The following MYL2 variants were observed in gnomAD, a reference collection of about 807,000 sequenced individuals.
MYL2 encodes the protein myosin light chain 2.
Under a neutral mutation model 23.0 loss-of-function variants are expected in MYL2, and 19 were observed. The observed-to-expected ratio is 0.83, with a 90% CI of 0.58 to 1.21. The LOEUF (loss-of-function observed/expected upper bound fraction) is 1.21. MYL2 is among the 50% of genes most tolerant of loss of function. The pLI, the probability that MYL2 is intolerant of heterozygous loss-of-function variation, is 0.00. For synonymous variants in MYL2, 78 were observed against 76.2 expected, an observed-to-expected ratio of 1.02 and a Z score of -0.13; for missense variants, 180 against 215.1, an observed-to-expected ratio of 0.84 and a Z score of 1.02.
chr12:110,915,174 A>G (rs1264527518), intron 3 of MYL2, among the ~76,000 whole-genome samples: 2 of 152,216 alleles, frequency 1.3e-5, no homozygotes, highest in Non-Finnish European at 2.9e-5. Context: ...ACAGCTGTGT[A>G]TGGTTGCCCT....
rs532883929 is a variant in MYL2, at chr12:110,913,354, T to C, written c.275-30A>G. 21 of 1,613,228 alleles carry C rather than the reference T, an allele frequency of 1.3e-5. No homozygotes were observed. The East Asian group carries it at 4.7e-4, about 36-fold the overall frequency. On this transcript the variant is annotated intron_variant, in intron 4 of 6. Coordinates refer to ENST00000228841, the MANE Select transcript of MYL2 (RefSeq NM_000432.4). Reference sequence around the variant, plus strand: ...AACGGAACACAGGGCTTACATGTACTGGGGGTGGCTGGGAACCACTGGCAC... The same window carrying C: ...AACGGAACACAGGGCTTACATGTACCGGGGGTGGCTGGGAACCACTGGCAC...
chr12:110,917,271 A>G (rs2071693133), intron 2 of MYL2, among the ~76,000 whole-genome samples: 2 of 152,076 alleles, frequency 1.3e-5, no homozygotes, highest in Non-Finnish European at 2.9e-5. Context: ...GAGAGGCCAG[A>G]TGAGACACCA....
At position 110,910,956 on chromosome 12, in the gene MYL2, T is replaced by TAA; in HGVS notation, c.*119_*120dup. ...AGGCTGCAAAGAAGATGGAGGTGGATAAATGGGGCAGCCACATGGCTAACA... is the reference window on the plus strand; with the variant it reads ...AGGCTGCAAAGAAGATGGAGGTGGATAAAAATGGGGCAGCCACATGGCTAACA... On this transcript the variant is annotated 3_prime_UTR_variant, in exon 7 of 7. Transcript: ENST00000228841. 1.1e-6 allele frequency: 1 copy of TAA among 929,036 alleles called. No individual in the cohort carries two copies. Among genetic ancestry groups the TAA allele is most frequent in the Admixed American group, 1.8e-5 (1 of 55,748 alleles). 57.5% of individuals were successfully genotyped at this position (929,036 alleles called of 1,614,324 possible).
At chr12:110,913,037 C>T (rs549226413) in intron 6 of MYL2, 59 bp downstream of exon 6, 4 of 1,583,530 alleles carry the variant, frequency 2.5e-6, no homozygotes, top group Admixed American at 1.7e-5. Flanking sequence ...GGAGACGGAG[C>T]CCCCCAGAAG....
chr12:110,911,147 G>C lies in MYL2; in HGVS notation c.431C>G (p.Pro144Arg), dbSNP rs755993281. ...EVDQMFAAFPPDVTGNLDYKN... is the reference protein window; with the variant it reads ...EVDQMFAAFPRDVTGNLDYKN... ...GTAGTCCAAGTTGCCAGTCACGTCAGGGGGGAAGGCGGCGAACATCTGGTC... is the reference window on the plus strand; with the variant it reads ...GTAGTCCAAGTTGCCAGTCACGTCACGGGGGAAGGCGGCGAACATCTGGTC... The change falls in exon 7 of 7, where the codon CCT becomes CGT. Residue 144 changes from proline to arginine, a missense_variant. Transcript: ENST00000228841. 4.3e-6 allele frequency: 7 copies of C among 1,613,646 alleles called. No homozygotes were observed. The highest frequency in any genetic ancestry group is 1.1e-5 in the South Asian group (1 of 91,068).
rs1341372114 is a variant in MYL2 at position 110,913,160 on chromosome 12, A to G, written c.354-16T>C. On this transcript the variant is annotated splice_polypyrimidine_tract_variant and intron_variant, in intron 5 of 6. Transcript: ENST00000228841. ...TTCCCGAACGCTGCAGAGAAAGGAA[A>G]GCAGGTGTTGGTGTCAGTTGTGTGT... The G allele has an allele frequency of 6.2e-7, 1 of 1,614,104 alleles. No homozygotes were observed. The highest frequency in any genetic ancestry group is 1.7e-5 in the Admixed American group (1 of 60,010).
At chr12:110,911,593 T>C (rs944480762) in intron 6 of MYL2, among the ~76,000 whole-genome samples, 13 of 152,296 alleles carry the variant, frequency 8.5e-5, no homozygotes, top group African/African-American at 2.6e-4. Context: ...CTGTTCTTCC[T>C]TCCCTGACCC....
At chr12:110,915,543 A>G (rs1403474564) in intron 3 of MYL2, among the ~76,000 whole-genome samples, 172 bp downstream of exon 3, 3 of 152,234 alleles carry the variant, frequency 2.0e-5, no homozygotes, top group Non-Finnish European at 4.4e-5. Context: ...AAGGTACTCA[A>G]AGACTAAACA....
chr12:110,917,136 G>A (rs184418578), intron 2 of MYL2, among the ~76,000 whole-genome samples: 32 of 152,022 alleles, frequency 2.1e-4, no homozygotes, highest in African/African-American at 6.7e-4. Flanking sequence ...GTGAGCCACT[G>A]TGCCTGGCCC....
At chr12:110,920,716 G>T, upstream of MYL2, 1 of 815,302 alleles carries the variant, frequency 1.2e-6, no homozygotes, top group Non-Finnish European at 2.0e-6. Flanking sequence ...TGAAGTAAGG[G>T]TGGCTCACTC....
chr12:110,920,374 C>T (rs2071714006), intron 1 of MYL2, among the ~76,000 whole-genome samples, 153 bp downstream of exon 1: 2 of 152,020 alleles, frequency 1.3e-5, no homozygotes, highest in African/African-American at 2.4e-5. Context: ...GATTGGGGTT[C>T]CTCTGTGCCC....
intron 2 of MYL2, among the ~76,000 whole-genome samples, chr12:110,917,048 G>A (rs978008544): frequency 1.1e-4 from 17 of 151,758 alleles, no homozygotes; most frequent in African/African-American, 3.4e-4. Context: ...GTTTCACCAC[G>A]TTGGCCAGGC....
Position 110,910,942 on chromosome 12 carries a change from A to T in MYL2, c.*135T>A. On this transcript the variant is annotated 3_prime_UTR_variant, in exon 7 of 7. Transcript: ENST00000228841. ...ACCCATAGCCACCCAGGCTGCAAAGAAGATGGAGGTGGATAAATGGGGCAG... is the reference window on the plus strand; with the variant it reads ...ACCCATAGCCACCCAGGCTGCAAAGTAGATGGAGGTGGATAAATGGGGCAG... 1 of 828,920 alleles carries T rather than the reference A, an allele frequency of 1.2e-6. No individual in the cohort carries two copies. Among genetic ancestry groups the T allele is most frequent in the Non-Finnish European group, 2.1e-6 (1 of 485,640 alleles). 51.3% of individuals were successfully genotyped at this position (828,920 alleles called of 1,614,324 possible).
rs2071667979 is a variant in MYL2 at position 110,913,421 on chromosome 12, C to T, written c.275-97G>A. ...CAAGTTCCCCCAGAGATGAAGGGGC[C>T]AGAGCAAGGCTGCTTTGCATGGAGG... is the stretch of plus-strand genomic sequence containing the variant. On this transcript the variant is annotated intron_variant, in intron 4 of 6. Coordinates refer to ENST00000228841, the MANE Select transcript of MYL2 (RefSeq NM_000432.4). 15 of 1,228,702 alleles carry T rather than the reference C, an allele frequency of 1.2e-5. No individual in the cohort carries two copies. The South Asian group carries it at 1.5e-4, about 12-fold the overall frequency. The allele number at this position is 1,228,702 out of a possible 1,614,324, so 76.1% of individuals were successfully genotyped here. A position where few individuals can be genotyped will look rare whatever the true frequency, so the allele number is the denominator to read the frequency against.
At chr12:110,912,779 G>T (rs561871691) in intron 6 of MYL2, among the ~76,000 whole-genome samples, 1 of 152,284 alleles carries the variant, frequency 6.6e-6, no homozygotes, top group East Asian at 1.9e-4. Context: ...TGGCTAGGCT[G>T]GTCTCAAACT....
rs113310928 is a variant in MYL2, at chr12:110,914,065, T to C, written c.274+121A>G. On this transcript the variant is annotated intron_variant, in intron 4 of 6. Transcript: ENST00000228841. ...CAGCCACTGCGCCCAGCCAAGTTGC[T>C]GTTTTCATTATTTTTTTCCAATGGT... is the stretch of plus-strand genomic sequence containing the variant. 200 of 821,456 alleles carry C rather than the reference T, an allele frequency of 2.4e-4. 1 individual carries two copies. Among genetic ancestry groups the C allele is most frequent in the Middle Eastern group, 2.3e-3 (10 of 4,328 alleles). 50.9% of individuals were successfully genotyped at this position (821,456 alleles called of 1,614,324 possible). A position where few individuals can be genotyped will look rare whatever the true frequency, so the allele number is the denominator to read the frequency against.
chr12:110,911,943 T>A (rs749032921), intron 6 of MYL2, among the ~76,000 whole-genome samples: 45 of 152,354 alleles, frequency 3.0e-4, no homozygotes, highest in Admixed American at 2.0e-3. Flanking sequence ...CACATTAACA[T>A]GTCGAATCCT....
chr12:110,914,858 C>T (rs1223031587), intron 3 of MYL2, among the ~76,000 whole-genome samples: 1 of 152,172 alleles, frequency 6.6e-6, no homozygotes. Context: ...GAACCTGGAA[C>T]ATTTGATGCA....
intron 1 of MYL2, 28 bp downstream of exon 1, chr12:110,920,499 C>T: frequency 1.2e-6 from 2 of 1,614,144 alleles, no homozygotes; most frequent in South Asian, 1.1e-5. Flanking sequence ...CACCCGGCAT[C>T]ATCACCTCCT....
Sources: gnomAD v4.1 joint callset for allele counts (sites outside exome capture counted in the v4.1 genomes callset) on GRCh38, gnomAD v4.1.1 for gene constraint, MANE v1.5 for transcripts, NCBI Gene and HGNC (gene_info 2026-07-23, HGNC 2026-07-21) for gene names.